OR8G1: variants seen among roughly 807,000 people sequenced by gnomAD.
OR8G1 encodes olfactory receptor 8G1.
For missense variants in OR8G1, 372 were observed against 356.2 expected (o/e 1.04, Z -0.36); for synonymous variants, 129 against 133.3 (o/e 0.97, Z 0.22).
Position 124,250,177 on chromosome 11 carries a change from T to A in OR8G1, c.502T>A (p.Phe168Ile). 2.5e-6 allele frequency: 4 copies of A among 1,613,838 alleles called. No individual in the cohort carries two copies. Among genetic ancestry groups the A allele is most frequent in the Non-Finnish European group, 3.4e-6 (4 of 1,179,834 alleles). The change falls in exon 3 of 3, where the codon TTC becomes ATC. Residue 168 changes from phenylalanine to isoleucine, a missense_variant. Coordinates refer to ENST00000641972, the MANE Select transcript of OR8G1 (RefSeq NM_001002905.2). ...TACAGGCTGTATGTTTAGGGTTCAA[T>A]TCTGCAAATTTGATTTGATTAACCA... ...VHTGCMFRVQ[F>I]CKFDLINHYF...
At chr11:124,247,948 A>G (rs1338261430) in intron 2 of OR8G1, 68 bp downstream of exon 2, 1 of 151,966 alleles carries the variant, frequency 6.6e-6, no homozygotes, top group Non-Finnish European at 1.5e-5. Flanking sequence ...AATTGCCAAC[A>G]TCTTTTCCAA....
At position 124,250,425 on chromosome 11, in the gene OR8G1, CT is replaced by C; in HGVS notation, c.756del (p.Phe252LeufsTer34). Reference sequence around the variant, plus strand: ...GCTCCCACATGTTGGCGGTTGTAATCTTTTTTGGATCTGCAGCATTCATGTA... The same window carrying C: ...GCTCCCACATGTTGGCGGTTGTAATCTTTTTGGATCTGCAGCATTCATGTA... ...CSSHMLAVVI[F>X]FGSAAFMYLQ... On this transcript the variant is annotated frameshift_variant, in exon 3 of 3. Coordinates refer to ENST00000641972, the MANE Select transcript of OR8G1 (RefSeq NM_001002905.2). LOFTEE classifies it low-confidence loss of function (END_TRUNC). 1 of 1,613,762 alleles carries C rather than the reference CT, an allele frequency of 6.2e-7. No homozygotes were observed. Among genetic ancestry groups the C allele is most frequent in the Non-Finnish European group, 8.5e-7 (1 of 1,179,788 alleles).
intron 2 of OR8G1, among the ~76,000 whole-genome samples, chr11:124,249,350 A>G (rs1164213281): frequency 6.6e-6 from 1 of 152,048 alleles, no homozygotes; most frequent in Non-Finnish European, 1.5e-5. Flanking sequence ...ACTCATTTAT[A>G]TTGGCTTATA....
chr11:124,242,057 T>A (rs1025643589), intron 1 of OR8G1, among the ~76,000 whole-genome samples: 2 of 141,914 alleles, frequency 1.4e-5, no homozygotes, highest in South Asian at 2.4e-4. Context: ...TTTATTTTTA[T>A]TTTTTTTCAG....
chr11:124,251,414 A>C lies in OR8G1; in HGVS notation c.*803A>C. 3 of 1,024,294 alleles carry C rather than the reference A, an allele frequency of 2.9e-6. No homozygotes were observed. Among genetic ancestry groups the C allele is most frequent in the Non-Finnish European group, 4.1e-6 (3 of 725,508 alleles). 63.5% of individuals were successfully genotyped at this position (1,024,294 alleles called of 1,614,324 possible). ...AGAGCTACATATGTTTTTAAATCTA[A>C]TCTAATTTAATTTATATTTCAAGTT... On this transcript the variant is annotated 3_prime_UTR_variant, in exon 3 of 3. Coordinates refer to ENST00000641972, the MANE Select transcript of OR8G1 (RefSeq NM_001002905.2).
chr11:124,242,305 T>C (rs531118808), intron 1 of OR8G1, among the ~76,000 whole-genome samples: 168 of 152,196 alleles, frequency 1.1e-3, no homozygotes, highest in Non-Finnish European at 2.0e-3. Context: ...TTCCATCTTA[T>C]CAATGTCTTT....
At chr11:124,245,798 T>C (rs1366152452) in intron 1 of OR8G1, among the ~76,000 whole-genome samples, 1 of 150,614 alleles carries the variant, frequency 6.6e-6, no homozygotes, top group Non-Finnish European at 1.5e-5. Context: ...GTTTTTTGGC[T>C]GCATAAATGT....
rs568551825 is a variant in OR8G1, at chr11:124,247,219, C to T, written c.-96-582C>T. Among the ~76,000 whole-genome samples, 14 of 151,540 alleles carry T rather than the reference C, an allele frequency of 9.2e-5. 1 individual carries two copies. In the South Asian group the frequency reaches 2.9e-3, roughly 32 times the overall value. On this transcript the variant is annotated intron_variant, in intron 1 of 2. Transcript: ENST00000641972. ...ATATATCACTCATAAAATTAACATA[C>T]CCAAAAGTTAATTTACTTTATTTGA...
Position 124,250,173 on chromosome 11 carries a change from T to G in OR8G1, c.498T>G (p.Val166=), listed in dbSNP as rs1240175588. The change falls in exon 3 of 3, where the codon GTT becomes GTG. Residue 166 remains valine (V), a synonymous_variant. Coordinates refer to ENST00000641972, the MANE Select transcript of OR8G1 (RefSeq NM_001002905.2). ...ASVHTGCMFR[V]QFCKFDLINH... ...TTCATACAGGCTGTATGTTTAGGGT[T>G]CAATTCTGCAAATTTGATTTGATTA... 1 of 1,613,718 alleles carries G rather than the reference T, an allele frequency of 6.2e-7. No homozygotes were observed. Among genetic ancestry groups the G allele is most frequent in the African/African-American group, 1.3e-5 (1 of 74,918 alleles).
rs566399341 is a variant in OR8G1, at chr11:124,253,844, A to G, written c.*3233A>G. The G allele has an allele frequency of 1.3e-5, 2 of 152,176 alleles. No homozygotes were observed. The highest frequency in any genetic ancestry group is 2.1e-4 in the South Asian group (1 of 4,826). The allele number at this position is 152,176 out of a possible 1,614,324, so 9.4% of individuals were successfully genotyped here. A position where few individuals can be genotyped will look rare whatever the true frequency, so the allele number is the denominator to read the frequency against. On this transcript the variant is annotated 3_prime_UTR_variant, in exon 3 of 3. Coordinates refer to ENST00000641972, the MANE Select transcript of OR8G1 (RefSeq NM_001002905.2). ...CTGTGCCTGGCTTATTTCATGTAAT[A>G]TAATGTCCTACAGGTTCATCTGTAT...
At position 124,253,484 on chromosome 11, in the gene OR8G1, A is replaced by T. The variant is rs1403978789; in HGVS notation, c.*2873A>T. 1 of 150,364 alleles carries T rather than the reference A, an allele frequency of 6.7e-6. No individual in the cohort carries two copies. The highest frequency in any genetic ancestry group is 6.7e-5 in the Admixed American group (1 of 14,850). The allele number at this position is 150,364 out of a possible 1,614,324, so 9.3% of individuals were successfully genotyped here. On this transcript the variant is annotated 3_prime_UTR_variant, in exon 3 of 3. Coordinates refer to ENST00000641972, the MANE Select transcript of OR8G1 (RefSeq NM_001002905.2). The stretch of plus-strand genomic sequence containing the variant: ...TTTGACAACTTTTAATGGTCAAAAA[A>T]TATTGTATATATTATTGTGTACAAG...
intron 1 of OR8G1, among the ~76,000 whole-genome samples, chr11:124,241,573 G>A (rs10893186): frequency 0.51 from 77,653 of 151,876 alleles, 20,486 homozygotes; most frequent in South Asian, 0.7. Context: ...TGGGCTTATA[G>A]AATAACTCAG....
rs1483045025 is a variant in OR8G1, at chr11:124,251,634, T to A, written c.*1023T>A. ...AAGGAGTCCCTAAAGCAATACTTAT[T>A]TTTTCTTTCTTTTCAAACATGTGGC... is the stretch of plus-strand genomic sequence containing the variant. On this transcript the variant is annotated 3_prime_UTR_variant, in exon 3 of 3. Transcript: ENST00000641972. 9.5e-6 allele frequency: 2 copies of A among 210,108 alleles called. No homozygotes were observed. The highest frequency in any genetic ancestry group is 2.0e-5 in the Non-Finnish European group (2 of 100,088). 13.0% of individuals were successfully genotyped at this position (210,108 alleles called of 1,614,324 possible). A position where few individuals can be genotyped will look rare whatever the true frequency, so the allele number is the denominator to read the frequency against.
chr11:124,241,457 T>G (rs1005957207), intron 1 of OR8G1, 93 bp downstream of exon 1: 2 of 152,138 alleles, frequency 1.3e-5, no homozygotes, highest in Admixed American at 1.3e-4. Context: ...CCTCATTATC[T>G]TTACTTATTC....
chr11:124,250,454 T>C lies in OR8G1; in HGVS notation c.779T>C (p.Leu260Ser). ...IFFGSAAFMYLQPSSISSMDQ... is the reference protein window; with the variant it reads ...IFFGSAAFMYSQPSSISSMDQ... ...TTTGGATCTGCAGCATTCATGTACTTGCAGCCATCTTCAATCAGCTCCATG... is the reference window on the plus strand; with the variant it reads ...TTTGGATCTGCAGCATTCATGTACTCGCAGCCATCTTCAATCAGCTCCATG... The change falls in exon 3 of 3, where the codon TTG becomes TCG. Residue 260 changes from leucine (L) to serine (S), a missense_variant. Physicochemically the swap from Leu to Ser is moderately radical, Grantham distance 145. Transcript: ENST00000641972. 6.2e-7 allele frequency: 1 copy of C among 1,613,754 alleles called. No homozygotes were observed. The highest frequency in any genetic ancestry group is 8.5e-7 in the Non-Finnish European group (1 of 1,179,768).
At position 124,251,008 on chromosome 11, in the gene OR8G1, A is replaced by G. The variant is rs1351557292; in HGVS notation, c.*397A>G. 3,726 of 108,850 alleles carry G rather than the reference A, an allele frequency of 0.034. 1,311 individuals carry two copies. The highest frequency in any genetic ancestry group is 0.1 in the African/African-American group (2,358 of 22,928). The allele number at this position is 108,850 out of a possible 1,614,324, so 6.7% of individuals were successfully genotyped here. On this transcript the variant is annotated 3_prime_UTR_variant, in exon 3 of 3. Transcript: ENST00000641972. ...ACAACATAAATTATTGCAATATGAT[A>G]GCTGTAATTTTAGCCTGCAGCAATC...
At chr11:124,244,276 G>A (rs1032452641) in intron 1 of OR8G1, among the ~76,000 whole-genome samples, 1 of 151,882 alleles carries the variant, frequency 6.6e-6, no homozygotes, top group African/African-American at 2.4e-5. Context: ...CACATAGGGA[G>A]GTGATTCAGG....
rs562016109 is a variant in OR8G1, at chr11:124,247,813, A to T, written c.-84A>T. 2 of 151,950 alleles carry T rather than the reference A, an allele frequency of 1.3e-5. No homozygotes were observed. Among genetic ancestry groups the T allele is most frequent in the Admixed American group, 1.3e-4 (2 of 15,212 alleles). The allele number at this position is 151,950 out of a possible 1,614,324, so 9.4% of individuals were successfully genotyped here. A position where few individuals can be genotyped will look rare whatever the true frequency, so the allele number is the denominator to read the frequency against. On this transcript the variant is annotated 5_prime_UTR_variant, in exon 2 of 3. An upstream start codon of the reference 5' UTR is lost. Coordinates refer to ENST00000641972, the MANE Select transcript of OR8G1 (RefSeq NM_001002905.2). Reference sequence around the variant, plus strand: ...TGGTTTTTTCCAGTTTGGGGCTCTTATGAATAAGGCTGTCATGAACATTTT... The same window carrying T: ...TGGTTTTTTCCAGTTTGGGGCTCTTTTGAATAAGGCTGTCATGAACATTTT...
chr11:124,250,148 T>C lies in OR8G1; in HGVS notation c.473T>C (p.Val158Ala), dbSNP rs1861852802. ...VYIIGLVCASVHTGCMFRVQF... is the reference protein window; with the variant it reads ...VYIIGLVCASAHTGCMFRVQF... Reference sequence around the variant, plus strand: ...ATAATAGGCCTGGTTTGTGCATCAGTTCATACAGGCTGTATGTTTAGGGTT... The same window carrying C: ...ATAATAGGCCTGGTTTGTGCATCAGCTCATACAGGCTGTATGTTTAGGGTT... The change falls in exon 3 of 3, where the codon GTT becomes GCT. Residue 158 changes from valine (V) to alanine (A), a missense_variant. Physicochemically the swap from Val to Ala is moderately conservative, Grantham distance 64. Transcript: ENST00000641972. 1.9e-6 allele frequency: 3 copies of C among 1,613,868 alleles called. No homozygotes were observed. Among genetic ancestry groups the C allele is most frequent in the Non-Finnish European group, 2.5e-6 (3 of 1,179,826 alleles).
Sources: gnomAD v4.1 joint callset for allele counts (sites outside exome capture counted in the v4.1 genomes callset) on GRCh38, gnomAD v4.1.1 for gene constraint, MANE v1.5 for transcripts, NCBI Gene and HGNC (gene_info 2026-07-23, HGNC 2026-07-21) for gene names.